Variants in LRP1B observed in about 807,000 individuals in gnomAD.
LRP1B encodes the protein LDL receptor related protein 1B.
In LRP1B, 217 loss-of-function variants were observed where a neutral mutation model predicts 556.6. The observed-to-expected ratio is 0.39, with a 90% CI of 0.35 to 0.44. LRP1B has a LOEUF of 0.44. LRP1B is among the 20% of genes least tolerant of loss of function. LRP1B has a pLI of 1.00. For synonymous variants in LRP1B, 2,047 were observed against 1,865.8 expected, an observed-to-expected ratio of 1.10 and a Z score of -2.50; for missense variants, 5,053 against 5,620.8, an observed-to-expected ratio of 0.90 and a Z score of 3.23.
rs183129151 is a variant in LRP1B at position 141,825,003 on chromosome 2, T to C, written c.83-14602A>G. Among the ~76,000 whole-genome samples the C allele has an allele frequency of 1.9e-3, 290 of 152,314 alleles. 1 individual carries two copies. Among genetic ancestry groups the C allele is most frequent in the African/African-American group, 6.9e-3 (286 of 41,572 alleles). On this transcript the variant is annotated intron_variant, in intron 1 of 90. Transcript: ENST00000389484. ...AGTTTACCCTGTGCGGTCTCTCTCC[T>C]GCCACCTTGTGAAGAAGGTATTTTC...
At chr2:141,254,016 T>C (rs1463953130) in intron 4 of LRP1B, among the ~76,000 whole-genome samples, 1 of 152,070 alleles carries the variant, frequency 6.6e-6, no homozygotes, top group Non-Finnish European at 1.5e-5. Flanking sequence ...GGAGGATAAA[T>C]ATTTGCTATA....
chr2:140,629,930 T>C (rs901874356), intron 41 of LRP1B, among the ~76,000 whole-genome samples: 1 of 152,094 alleles, frequency 6.6e-6, no homozygotes, highest in African/African-American at 2.4e-5. Context: ...CCCAAAATAA[T>C]GGGAAGTATA....
At chr2:140,709,843 A>G (rs1686970134) in intron 37 of LRP1B, among the ~76,000 whole-genome samples, 1 of 152,086 alleles carries the variant, frequency 6.6e-6, no homozygotes, top group Admixed American at 6.6e-5. Flanking sequence ...ATAATTTTAC[A>G]AGAATCTTCA....
chr2:141,082,742 AG>A (rs1699955895), intron 7 of LRP1B, among the ~76,000 whole-genome samples: 1 of 152,212 alleles, frequency 6.6e-6, no homozygotes, highest in African/African-American at 2.4e-5. Context: ...TTTTTCTTAT[AG>A]AAATGCAATC....
At chr2:140,263,806 C>CCTT (rs1682061312) in intron 86 of LRP1B, among the ~76,000 whole-genome samples, 1 of 145,250 alleles carries the variant, frequency 6.9e-6, no homozygotes, top group Admixed American at 6.9e-5. Flanking sequence ...TAATTGAGGC[C>CCTT]TTTTTTTTTT....
At chr2:140,993,500 T>C (rs561733385) in intron 16 of LRP1B, among the ~76,000 whole-genome samples, 1 of 152,170 alleles carries the variant, frequency 6.6e-6, no homozygotes, top group South Asian at 2.1e-4. Flanking sequence ...CCCATATGTG[T>C]TTTCTACCAT....
At chr2:141,115,873 C>T (rs970470292) in intron 7 of LRP1B, among the ~76,000 whole-genome samples, 1 of 152,044 alleles carries the variant, frequency 6.6e-6, no homozygotes, top group African/African-American at 2.4e-5. Flanking sequence ...CTTTCACACA[C>T]CCTAATTAAA....
chr2:141,715,567 C>G (rs147719790), intron 2 of LRP1B, among the ~76,000 whole-genome samples: 1 of 152,120 alleles, frequency 6.6e-6, no homozygotes, highest in Non-Finnish European at 1.5e-5. Flanking sequence ...GTAATCCCAG[C>G]GCTTTGGGAG....
At chr2:141,301,051 T>C (rs1461031274) in intron 3 of LRP1B, among the ~76,000 whole-genome samples, 1 of 152,196 alleles carries the variant, frequency 6.6e-6, no homozygotes, top group Non-Finnish European at 1.5e-5. Context: ...ATGAAAAAGA[T>C]AATGGGTCTG....
intron 37 of LRP1B, among the ~76,000 whole-genome samples, chr2:140,704,923 G>A (rs1353219784): frequency 2.0e-5 from 3 of 152,084 alleles, no homozygotes; most frequent in African/African-American, 7.2e-5. Context: ...ACAAATAAAT[G>A]TGTTTATTGC....
intron 3 of LRP1B, among the ~76,000 whole-genome samples, chr2:141,286,307 T>G (rs912211423): frequency 1.3e-5 from 2 of 152,136 alleles, no homozygotes; most frequent in African/African-American, 4.8e-5. Context: ...AAGCTAAACT[T>G]TTTTTTATTA....
intron 2 of LRP1B, among the ~76,000 whole-genome samples, chr2:141,738,684 C>A (rs1006720184): frequency 6.6e-6 from 1 of 152,112 alleles, no homozygotes; most frequent in African/African-American, 2.4e-5. Flanking sequence ...CCATTCCCAA[C>A]CAGGATAAGT....
chr2:140,755,893 C>A (rs572295819), intron 35 of LRP1B, among the ~76,000 whole-genome samples: 3 of 151,778 alleles, frequency 2.0e-5, no homozygotes, highest in Non-Finnish European at 2.9e-5. Context: ...GTAAAAGGCA[C>A]CTAAGTTGGA....
At chr2:141,889,874 T>A (rs192371568) in intron 1 of LRP1B, among the ~76,000 whole-genome samples, 167 of 152,232 alleles carry the variant, frequency 1.1e-3, no homozygotes, top group African/African-American at 3.8e-3. Flanking sequence ...CTGCTGAATT[T>A]TGTAGCAGAT....
intron 1 of LRP1B, among the ~76,000 whole-genome samples, chr2:141,923,436 T>TTA (rs758700606): frequency 0.16 from 12,047 of 74,688 alleles, 1,552 homozygotes; most frequent in East Asian, 0.41. Context: ...GACAAAGAGA[T>TTA]TATATATATA....
At chr2:141,255,244 C>T (rs926158259) in intron 3 of LRP1B, among the ~76,000 whole-genome samples, 4 of 151,900 alleles carry the variant, frequency 2.6e-5, no homozygotes, top group African/African-American at 9.7e-5. Flanking sequence ...GTGACAGGAG[C>T]ACATTTATTG....
rs2105258521 is a variant in LRP1B at position 140,923,048 on chromosome 2, C to T, written c.3236G>A (p.Cys1079Tyr). Residue 1079 changes from cysteine to tyrosine, a missense_variant, in exon 21 of 91, where the codon TGT becomes TAT. By Grantham distance (194) the Cys-to-Tyr change is radical. Around this residue, in one of 5 missense-constraint regions of LRP1B, gnomAD observed 3,619 missense variants for 3,931.9 expected, o/e 0.92. Coordinates refer to ENST00000389484, the MANE Select transcript of LRP1B (RefSeq NM_018557.3). ...ACCTTTTTCATCACTACCATCTTCA[C>T]AGTCTTTTTCTCCATCACAGCGCCA... ...DLWRCDGEKDCEDGSDEKGCN... is the reference protein window; with the variant it reads ...DLWRCDGEKDYEDGSDEKGCN... 1 of 1,613,242 alleles carries T rather than the reference C, an allele frequency of 6.2e-7. No homozygotes were observed. Among genetic ancestry groups the T allele is most frequent in the Non-Finnish European group, 8.5e-7 (1 of 1,179,464 alleles).
chr2:140,536,504 C>A (rs2105002543), intron 46 of LRP1B, 77 bp downstream of exon 46: 1 of 1,409,340 alleles, frequency 7.1e-7, no homozygotes, highest in Non-Finnish European at 9.7e-7. Flanking sequence ...GTAAACCACA[C>A]CGAGACAAGC....
intron 2 of LRP1B, among the ~76,000 whole-genome samples, chr2:141,539,946 T>C (rs188094639): frequency 7.2e-5 from 11 of 152,214 alleles, no homozygotes; most frequent in African/African-American, 2.4e-4. Context: ...AATGCGTTAT[T>C]GAAATAGAAA....
Sources: gnomAD v4.1 joint callset for allele counts (sites outside exome capture counted in the v4.1 genomes callset) on GRCh38, gnomAD v4.1.1 for gene constraint, gnomAD v4.1.1 regional missense constraint, MANE v1.5 for transcripts, NCBI Gene and HGNC (gene_info 2026-07-23, HGNC 2026-07-21) for gene names.